GULP1: variants seen among roughly 807,000 people sequenced by gnomAD.
The protein encoded by GULP1 is GULP PTB domain containing engulfment adaptor 1, also known as PTB domain-containing engulfment adapter protein 1.
Under a neutral mutation model 40.9 loss-of-function variants are expected in GULP1, and 19 were observed. The observed-to-expected ratio is 0.46, with a 90% CI of 0.32 to 0.68. The LOEUF (loss-of-function observed/expected upper bound fraction) is 0.68. Among genes scored for constraint, GULP1 ranks in the 30% least tolerant of loss-of-function variants. The pLI, the probability that GULP1 is intolerant of heterozygous loss-of-function variation, is 0.03. For missense variants in GULP1, 312 were observed against 362.2 expected (o/e 0.86, Z 1.12); for synonymous variants, 119 against 117.6 (o/e 1.01, Z -0.08).
intron 9 of GULP1, among the ~76,000 whole-genome samples, chr2:188,573,323 T>C (rs1169192338): frequency 1.3e-5 from 2 of 152,136 alleles, no homozygotes; most frequent in East Asian, 1.9e-4. Context: ...ATTCCTGATA[T>C]TAAAATAAAA....
chr2:188,351,113 C>T (rs1424690421), intron 1 of GULP1, among the ~76,000 whole-genome samples: 1 of 151,654 alleles, frequency 6.6e-6, no homozygotes, highest in Non-Finnish European at 1.5e-5. Context: ...ACAATTAGCT[C>T]TTAGAAAAAT....
intron 2 of GULP1, among the ~76,000 whole-genome samples, chr2:188,405,367 G>A (rs1461200446): frequency 1.3e-5 from 2 of 152,048 alleles, no homozygotes; most frequent in African/African-American, 4.8e-5. Context: ...AGTTCCCATG[G>A]CATCAGGCTT....
intron 1 of GULP1, among the ~76,000 whole-genome samples, chr2:188,347,886 GGGATTC>G: frequency 6.6e-6 from 1 of 152,014 alleles, no homozygotes; most frequent in Non-Finnish European, 1.5e-5. Context: ...TAAAAGCCCT[GGGATTC>G]CAGGCATGAG....
intron 1 of GULP1, among the ~76,000 whole-genome samples, chr2:188,372,491 A>G (rs180742889): frequency 2.2e-4 from 33 of 152,216 alleles, no homozygotes; most frequent in African/African-American, 7.5e-4. Flanking sequence ...TCAGCATGTC[A>G]TAACTTCTCC....
intron 2 of GULP1, among the ~76,000 whole-genome samples, chr2:188,439,430 T>G (rs929418337): frequency 2.0e-5 from 3 of 152,204 alleles, no homozygotes; most frequent in African/African-American, 7.2e-5. Flanking sequence ...GAATGTCATT[T>G]ACAGCATTCT....
At chr2:188,573,746 A>C (rs1234503149) in intron 9 of GULP1, among the ~76,000 whole-genome samples, 1 of 152,218 alleles carries the variant, frequency 6.6e-6, no homozygotes, top group South Asian at 2.1e-4. Flanking sequence ...TGATCTACAC[A>C]TTCATTAAAG....
chr2:188,520,620 C>T (rs1320997901), intron 4 of GULP1, among the ~76,000 whole-genome samples: 2 of 151,620 alleles, frequency 1.3e-5, no homozygotes, highest in East Asian at 3.9e-4. Flanking sequence ...GCTTTACTCT[C>T]TAGCCTCCAT....
intron 1 of GULP1, among the ~76,000 whole-genome samples, chr2:188,311,021 G>A (rs556004126): frequency 6.6e-6 from 1 of 152,190 alleles, no homozygotes; most frequent in South Asian, 2.1e-4. Context: ...TTCATTTTTG[G>A]GTTGCAGCTT....
chr2:188,524,603 TA>T (rs199512360), intron 5 of GULP1, among the ~76,000 whole-genome samples: 4,551 of 139,958 alleles, frequency 0.033, 105 homozygotes, highest in Non-Finnish European at 0.047. Context: ...TATATATATA[TA>T]TTTTTTTTTT....
At chr2:188,563,895 C>G (rs1010366655) in intron 7 of GULP1, among the ~76,000 whole-genome samples, 10 of 151,820 alleles carry the variant, frequency 6.6e-5, no homozygotes, top group African/African-American at 2.4e-4. Flanking sequence ...AATTCCAAAT[C>G]GAGTCCAGCA....
intron 1 of GULP1, among the ~76,000 whole-genome samples, chr2:188,303,070 T>G (rs886942112): frequency 2.0e-5 from 3 of 152,206 alleles, no homozygotes; most frequent in Non-Finnish European, 4.4e-5. Flanking sequence ...ATGAATCATT[T>G]TTTTCAACAC....
At chr2:188,577,567 T>C (rs1309921048) in intron 9 of GULP1, among the ~76,000 whole-genome samples, 3 of 152,120 alleles carry the variant, frequency 2.0e-5, no homozygotes, top group African/African-American at 7.2e-5. Flanking sequence ...AAGAAAAATA[T>C]GTTCCCATTC....
At chr2:188,579,677 C>G (rs1700875028) in intron 9 of GULP1, among the ~76,000 whole-genome samples, 1 of 151,994 alleles carries the variant, frequency 6.6e-6, no homozygotes, top group Non-Finnish European at 1.5e-5. Context: ...ATTAAATATC[C>G]CTGATTTACC....
intron 2 of GULP1, among the ~76,000 whole-genome samples, chr2:188,388,233 A>G (rs1231041688): frequency 6.6e-6 from 1 of 151,996 alleles, no homozygotes; most frequent in Non-Finnish European, 1.5e-5. Context: ...TATCCCTTTA[A>G]GAAGTTTAAT....
At chr2:188,421,679 A>G (rs1021208374) in intron 2 of GULP1, among the ~76,000 whole-genome samples, 3 of 152,156 alleles carry the variant, frequency 2.0e-5, no homozygotes, top group African/African-American at 7.2e-5. Flanking sequence ...TTCAGATAAT[A>G]TGATAGATTA....
At chr2:188,494,060 T>C (rs1022416750) in intron 4 of GULP1, among the ~76,000 whole-genome samples, 1 of 152,072 alleles carries the variant, frequency 6.6e-6, no homozygotes, top group Non-Finnish European at 1.5e-5. Flanking sequence ...GATGAACTCA[T>C]TGACTTAACC....
intron 2 of GULP1, among the ~76,000 whole-genome samples, chr2:188,412,477 A>C (rs2054027837): frequency 6.6e-6 from 1 of 152,094 alleles, no homozygotes; most frequent in Non-Finnish European, 1.5e-5. Context: ...TGGCAATCTT[A>C]ACTTCCAGTT....
chr2:188,355,361 T>A (rs1438503442), intron 1 of GULP1, among the ~76,000 whole-genome samples: 1 of 151,920 alleles, frequency 6.6e-6, no homozygotes, highest in African/African-American at 2.4e-5. Context: ...ACAACTGATA[T>A]CACAGAAATA....
chr2:188,506,266 G>T (rs896821206), intron 4 of GULP1, among the ~76,000 whole-genome samples: 9 of 151,628 alleles, frequency 5.9e-5, no homozygotes, highest in Non-Finnish European at 1.2e-4. Flanking sequence ...TAAATTCCTG[G>T]AGTTATAATG....
Sources: allele counts gnomAD v4.1 joint callset (sites outside exome capture counted in the v4.1 genomes callset), GRCh38; gene constraint gnomAD v4.1.1; transcripts MANE v1.5; gene names NCBI Gene and HGNC (gene_info 2026-07-23, HGNC 2026-07-21).